Variants in TSHZ2 observed in about 807,000 individuals in gnomAD.
TSHZ2 encodes teashirt zinc finger homeobox 2.
TSHZ2 carries 21 observed loss-of-function variants against 74.4 expected under a neutral mutation model. The ratio of observed to expected loss-of-function variants is 0.28; its 90% CI spans 0.20 to 0.41. TSHZ2 has a LOEUF of 0.41. Among genes scored for constraint, TSHZ2 ranks in the 10% least tolerant of loss-of-function variants. TSHZ2 has a pLI of 1.00. For missense variants in TSHZ2, 1,244 were observed against 1,293.5 expected (o/e 0.96, Z 0.59); for synonymous variants, 540 against 515.3 (o/e 1.05, Z -0.65).
chr20:53,011,859 C>G (rs946677506), intron 1 of TSHZ2, among the ~76,000 whole-genome samples: 13 of 152,136 alleles, frequency 8.5e-5, no homozygotes, highest in African/African-American at 2.7e-4. Context: ...TGAGTCAGTC[C>G]CCATCTGCCT....
intron 2 of TSHZ2, among the ~76,000 whole-genome samples, chr20:53,390,440 G>A (rs1255423749): frequency 2.0e-5 from 3 of 152,238 alleles, no homozygotes; most frequent in Non-Finnish European, 4.4e-5. Flanking sequence ...AGGAAGAAGA[G>A]AGGATAAGAA....
At chr20:53,310,814 A>G (rs544912197) in intron 2 of TSHZ2, among the ~76,000 whole-genome samples, 3 of 152,222 alleles carry the variant, frequency 2.0e-5, no homozygotes, top group African/African-American at 7.2e-5. Context: ...CCAGTGCATT[A>G]TAATTATGAA....
At chr20:53,187,309 G>T (rs769346779) in intron 1 of TSHZ2, among the ~76,000 whole-genome samples, 1 of 152,132 alleles carries the variant, frequency 6.6e-6, no homozygotes, top group Non-Finnish European at 1.5e-5. Context: ...AGCAGGTATC[G>T]ATTGTGTATA....
intron 1 of TSHZ2, among the ~76,000 whole-genome samples, chr20:53,226,723 C>T (rs973393373): frequency 1.3e-5 from 2 of 152,042 alleles, no homozygotes; most frequent in South Asian, 2.1e-4. Context: ...TACCGGGTAC[C>T]GTCCTGTGTT....
At chr20:53,391,829 G>A (rs1982270809) in intron 2 of TSHZ2, among the ~76,000 whole-genome samples, 1 of 152,176 alleles carries the variant, frequency 6.6e-6, no homozygotes, top group African/African-American at 2.4e-5. Flanking sequence ...TGTGATCCCA[G>A]CTAGTGGGGA....
chr20:53,248,081 G>GT (rs1309552424), intron 1 of TSHZ2, among the ~76,000 whole-genome samples: 3 of 151,854 alleles, frequency 2.0e-5, no homozygotes, highest in African/African-American at 4.9e-5. Flanking sequence ...TTCTGTTGTT[G>GT]TTTTTTTGGG....
chr20:53,058,059 G>A (rs1984698422), intron 1 of TSHZ2, among the ~76,000 whole-genome samples: 1 of 152,156 alleles, frequency 6.6e-6, no homozygotes, highest in Non-Finnish European at 1.5e-5. Flanking sequence ...ATAAGTTAGA[G>A]TCTCATGAGG....
chr20:53,276,688 A>C (rs749603883), intron 2 of TSHZ2, among the ~76,000 whole-genome samples: 6 of 152,194 alleles, frequency 3.9e-5, no homozygotes, highest in African/African-American at 4.8e-5. Context: ...TTAAAACCCA[A>C]AGGACTGAGC....
intron 2 of TSHZ2, chr20:53,399,267 C>A (rs1982566047): frequency 6.6e-6 from 1 of 152,136 alleles, no homozygotes; most frequent in Admixed American, 6.5e-5. Flanking sequence ...TGAAGTGAGC[C>A]TTAATGAGAT....
intron 2 of TSHZ2, among the ~76,000 whole-genome samples, chr20:53,393,396 T>A (rs1299069379): frequency 6.6e-6 from 1 of 152,236 alleles, no homozygotes; most frequent in Non-Finnish European, 1.5e-5. Context: ...GCTAAGCAGG[T>A]GACCAGTGCA....
intron 1 of TSHZ2, among the ~76,000 whole-genome samples, chr20:53,181,043 C>T (rs192776103): frequency 6.6e-6 from 1 of 152,250 alleles, no homozygotes; most frequent in African/African-American, 2.4e-5. Flanking sequence ...CACCATTTCT[C>T]ACCTTTCTTT....
At position 53,434,794 on chromosome 20, in the gene TSHZ2, G is replaced by C. The variant is rs554398960; in HGVS notation, c.*9-52350G>C. On this transcript the variant is annotated intron_variant, in intron 2 of 2. Transcript: ENST00000371497. ...TCTGCTGACAGTCCTGTGACCATCT[G>C]CCTGGCAGCAAGGACTTCAGTTGTT... Among the ~76,000 whole-genome samples, 99 of 152,344 alleles carry C rather than the reference G, an allele frequency of 6.5e-4. 3 individuals are homozygous for C. The South Asian group carries it at 0.02, about 31-fold the overall frequency.
intron 2 of TSHZ2, among the ~76,000 whole-genome samples, chr20:53,315,714 G>A (rs1555849652): frequency 6.6e-6 from 1 of 152,186 alleles, no homozygotes; most frequent in Non-Finnish European, 1.5e-5. Context: ...CAGTGAACAA[G>A]ATAGACATCA....
chr20:53,175,907 C>A (rs1988326051), intron 1 of TSHZ2, among the ~76,000 whole-genome samples: 1 of 152,232 alleles, frequency 6.6e-6, no homozygotes, highest in Non-Finnish European at 1.5e-5. Context: ...GTGAACAGAA[C>A]AGAGCCTTAT....
chr20:53,123,094 C>G (rs1328494578), intron 1 of TSHZ2, among the ~76,000 whole-genome samples: 1 of 152,214 alleles, frequency 6.6e-6, no homozygotes, highest in African/African-American at 2.4e-5. Context: ...CTCACTGTCA[C>G]CAATCCGGCT....
chr20:53,288,019 G>A (rs765689227), intron 2 of TSHZ2, among the ~76,000 whole-genome samples: 3 of 152,086 alleles, frequency 2.0e-5, no homozygotes, highest in Admixed American at 6.5e-5. Context: ...ATTATCGGGA[G>A]GCTGGCCATA....
intron 1 of TSHZ2, among the ~76,000 whole-genome samples, chr20:53,239,742 C>T (rs1011045493): frequency 6.6e-6 from 1 of 152,020 alleles, no homozygotes; most frequent in African/African-American, 2.4e-5. Flanking sequence ...CATATTTTAT[C>T]AAACAAAAAA....
chr20:53,114,611 G>A (rs185616354), intron 1 of TSHZ2, among the ~76,000 whole-genome samples: 1 of 152,288 alleles, frequency 6.6e-6, no homozygotes, highest in East Asian at 1.9e-4. Flanking sequence ...GCTTCTCAGT[G>A]CAAACTTGTT....
At chr20:53,476,179 T>C (rs1985986846) in intron 2 of TSHZ2, among the ~76,000 whole-genome samples, 1 of 146,806 alleles carries the variant, frequency 6.8e-6, no homozygotes, top group Admixed American at 6.8e-5. Context: ...ATCATTCTGA[T>C]ACCAAAGCCA....
Sources: gnomAD v4.1 joint callset for allele counts (sites outside exome capture counted in the v4.1 genomes callset) on GRCh38, gnomAD v4.1.1 for gene constraint, MANE v1.5 for transcripts, NCBI Gene and HGNC (gene_info 2026-07-23, HGNC 2026-07-21) for gene names.